Variants in SMARCAD1 observed in about 807,000 individuals in gnomAD.
SMARCAD1 encodes SWI/SNF-related matrix-associated actin-dependent regulator of chromatin subfamily A containing DEAD/H box 1.
In SMARCAD1, 25 loss-of-function variants were observed where a neutral mutation model predicts 127.1. The ratio of observed to expected loss-of-function variants is 0.20; its 90% CI spans 0.14 to 0.27. The LOEUF (loss-of-function observed/expected upper bound fraction) is 0.27. Among genes scored for constraint, SMARCAD1 ranks in the 10% least tolerant of loss-of-function variants. The pLI is 1.00. For synonymous variants in SMARCAD1, 400 were observed against 396.9 expected (o/e 1.01, Z -0.09); for missense variants, 807 against 1,206.0 (o/e 0.67, Z 4.90).
intron 6 of SMARCAD1, among the ~76,000 whole-genome samples, chr4:94,244,544 CTG>C (rs1400059680): frequency 9.2e-5 from 14 of 152,158 alleles, no homozygotes; most frequent in Admixed American, 1.3e-4. Context: ...GGTAACATAA[CTG>C]TGATATTTGG....
chr4:94,208,129 G>C (rs747087651), intron 1 of SMARCAD1, 59 bp downstream of exon 1: 4 of 593,720 alleles, frequency 6.7e-6, no homozygotes, highest in Non-Finnish European at 1.3e-5. Flanking sequence ...GCGGGCGGGG[G>C]AGGCGGACGA....
At chr4:94,277,891 G>A (rs1227593190) in intron 16 of SMARCAD1, among the ~76,000 whole-genome samples, 1 of 152,102 alleles carries the variant, frequency 6.6e-6, no homozygotes, top group Non-Finnish European at 1.5e-5. Flanking sequence ...TCTATCTTCA[G>A]TTCATAATAT....
At chr4:94,242,657 A>G (rs937700190) in intron 6 of SMARCAD1, among the ~76,000 whole-genome samples, 1 of 151,688 alleles carries the variant, frequency 6.6e-6, no homozygotes, top group Non-Finnish European at 1.5e-5. Context: ...TAATCCCAGC[A>G]TCTTGGGAGG....
intron 10 of SMARCAD1, among the ~76,000 whole-genome samples, chr4:94,269,835 AT>A (rs1472021472): frequency 2.0e-5 from 3 of 151,442 alleles, no homozygotes; most frequent in East Asian, 2.0e-4. Context: ...TGCCTGGCTA[AT>A]TTTTTTTGTA....
chr4:94,212,443 A>G (rs1742426681), intron 2 of SMARCAD1, among the ~76,000 whole-genome samples: 1 of 151,830 alleles, frequency 6.6e-6, no homozygotes, highest in Non-Finnish European at 1.5e-5. Context: ...TGAAAGTGCT[A>G]GGATTATAGG....
intron 21 of SMARCAD1, among the ~76,000 whole-genome samples, chr4:94,282,095 T>TTTTTTTTG (rs1343165240): frequency 1.0e-4 from 1 of 9,956 alleles, no homozygotes; most frequent in Non-Finnish European, 4.0e-4. Context: ...CAAATACGTT[T>TTTTTTTTG]TTTTGTTTTT....
chr4:94,237,707 C>G (rs902169683), intron 5 of SMARCAD1, among the ~76,000 whole-genome samples: 1 of 151,996 alleles, frequency 6.6e-6, no homozygotes, highest in Non-Finnish European at 1.5e-5. Flanking sequence ...TTTAAAAAAT[C>G]ATATAATAAT....
intron 23 of SMARCAD1, among the ~76,000 whole-genome samples, chr4:94,286,003 C>T (rs899060054): frequency 1.3e-5 from 2 of 152,174 alleles, no homozygotes; most frequent in African/African-American, 4.8e-5. Context: ...AATTCTTTTT[C>T]AGCAATACTA....
At chr4:94,228,011 G>A (rs1009965061) in intron 3 of SMARCAD1, among the ~76,000 whole-genome samples, 3 of 152,166 alleles carry the variant, frequency 2.0e-5, no homozygotes, top group Non-Finnish European at 2.9e-5. Context: ...AGCAGCTATT[G>A]AGGTAAAAGG....
rs1283977692 is a variant in SMARCAD1, at chr4:94,252,610, A to G, written c.890-6A>G. The G allele has an allele frequency of 6.5e-7, 1 of 1,527,902 alleles. No homozygotes were observed. The highest frequency in any genetic ancestry group is 8.8e-7 in the Non-Finnish European group (1 of 1,136,250). The allele number at this position is 1,527,902 out of a possible 1,614,324, so 94.6% of individuals were successfully genotyped here. A position where few individuals can be genotyped will look rare whatever the true frequency, so the allele number is the denominator to read the frequency against. On this transcript the variant is annotated splice_polypyrimidine_tract_variant and splice_region_variant and intron_variant, in intron 8 of 23. Coordinates refer to ENST00000354268, the MANE Select transcript of SMARCAD1 (RefSeq NM_020159.5). Reference sequence around the variant, plus strand: ...TTTAGTTACTGTTTTTGTCTTTTATATACAGATATGCAATATGTATCACAA... The same window carrying G: ...TTTAGTTACTGTTTTTGTCTTTTATGTACAGATATGCAATATGTATCACAA...
chr4:94,252,182 T>C (rs2061964672), intron 8 of SMARCAD1, among the ~76,000 whole-genome samples: 1 of 152,218 alleles, frequency 6.6e-6, no homozygotes, highest in Non-Finnish European at 1.5e-5. Flanking sequence ...ACGATGCAAC[T>C]TAGAATATTG....
intron 5 of SMARCAD1, among the ~76,000 whole-genome samples, chr4:94,239,661 C>T (rs1050649565): frequency 2.6e-5 from 4 of 151,778 alleles, no homozygotes; most frequent in Admixed American, 2.6e-4. Flanking sequence ...CGACCTCTGC[C>T]TCCCAGGCTC....
chr4:94,280,606 T>G lies in SMARCAD1; in HGVS notation c.2433T>G (p.Cys811Trp). ...TTTGTTTTAAGGAACCTACACATTGTGAGGCTAACCCTGACCTGATCTTTG... is the reference window on the plus strand; with the variant it reads ...TTTGTTTTAAGGAACCTACACATTGGGAGGCTAACCCTGACCTGATCTTTG... ...SQLMLKEPTH[C>W]EANPDLIFED... Residue 811 changes from cysteine to tryptophan, a missense_variant, in exon 20 of 24, where the codon TGT becomes TGG. Coordinates refer to ENST00000354268, the MANE Select transcript of SMARCAD1 (RefSeq NM_020159.5). 6.2e-7 allele frequency: 1 copy of G among 1,613,628 alleles called. No homozygotes were observed. The highest frequency in any genetic ancestry group is 1.7e-5 in the Admixed American group (1 of 60,020).
Position 94,252,847 on chromosome 4 carries a change from ATAG to A in SMARCAD1, c.1126_1128del (p.Ser376del), listed in dbSNP as rs1560541330. 1.9e-6 allele frequency: 3 copies of A among 1,613,990 alleles called. No homozygotes were observed. The highest frequency in any genetic ancestry group is 2.5e-6 in the Non-Finnish European group (3 of 1,179,990). The stretch of plus-strand genomic sequence containing the variant: ...GTCGGTAGTTCACTAGATGAGGACT[ATAG>A]TAGTGGTGAAGAAGTGATGGAGGAT... On this transcript the variant is annotated inframe_deletion, in exon 9 of 24. Coordinates refer to ENST00000354268, the MANE Select transcript of SMARCAD1 (RefSeq NM_020159.5).
intron 6 of SMARCAD1, among the ~76,000 whole-genome samples, chr4:94,243,966 C>T (rs995707586): frequency 2.0e-5 from 3 of 152,110 alleles, no homozygotes; most frequent in Admixed American, 6.5e-5. Flanking sequence ...AAGATAAAAA[C>T]ATAACGATAC....
At position 94,249,680 on chromosome 4, in the gene SMARCAD1, A is replaced by G; in HGVS notation, c.732A>G (p.Glu244=). ...GAGAGGAATCAAATGAGTCTGCAGAATCTAGCAGTAATTGGGAAAAGCAGG... is the reference window on the plus strand; with the variant it reads ...GAGAGGAATCAAATGAGTCTGCAGAGTCTAGCAGTAATTGGGAAAAGCAGG... The part of the protein sequence containing the change: ...DHGEESNESA[E]SSSNWEKQES... The change falls in exon 7 of 24, where the codon GAA becomes GAG. Residue 244 remains glutamate, a synonymous_variant. Coordinates refer to ENST00000354268, the MANE Select transcript of SMARCAD1 (RefSeq NM_020159.5). The G allele has an allele frequency of 1.9e-6, 3 of 1,607,608 alleles. No homozygotes were observed. Among genetic ancestry groups the G allele is most frequent in the Non-Finnish European group, 2.6e-6 (3 of 1,174,458 alleles).
At chr4:94,211,668 T>C (rs1742285135) in intron 2 of SMARCAD1, among the ~76,000 whole-genome samples, 1 of 152,212 alleles carries the variant, frequency 6.6e-6, no homozygotes, top group African/African-American at 2.4e-5. Context: ...TCATTTCCTA[T>C]GACCCTCCTT....
Position 94,289,561 on chromosome 4 carries a change from T to C in SMARCAD1, c.*27T>C. ...ATAAGAACTGTGAACTCTCAATTGATGAGGAAATATCAACTTGGTGCACTC... is the reference window on the plus strand; with the variant it reads ...ATAAGAACTGTGAACTCTCAATTGACGAGGAAATATCAACTTGGTGCACTC... On this transcript the variant is annotated 3_prime_UTR_variant, in exon 24 of 24. Coordinates refer to ENST00000354268, the MANE Select transcript of SMARCAD1 (RefSeq NM_020159.5). 8 of 1,570,880 alleles carry C rather than the reference T, an allele frequency of 5.1e-6. No homozygotes were observed. Among genetic ancestry groups the C allele is most frequent in the Non-Finnish European group, 7.0e-6 (8 of 1,140,702 alleles).
In SMARCAD1 at chr4:94,290,992, G is replaced by A; in HGVS notation, c.*1458G>A. On this transcript the variant is annotated 3_prime_UTR_variant, in exon 24 of 24. Coordinates refer to ENST00000354268, the MANE Select transcript of SMARCAD1 (RefSeq NM_020159.5). The stretch of plus-strand genomic sequence containing the variant: ...CCCAGTCTTGATGGTATATTGAACA[G>A]ACTGAATATATTTTACCATTACAGG... 2.2e-6 allele frequency: 1 copy of A among 446,932 alleles called. No individual in the cohort carries two copies. The highest frequency in any genetic ancestry group is 4.5e-6 in the Non-Finnish European group (1 of 224,206). 27.7% of individuals were successfully genotyped at this position (446,932 alleles called of 1,614,324 possible).
Sources: gnomAD v4.1 joint callset for allele counts (sites outside exome capture counted in the v4.1 genomes callset) on GRCh38, gnomAD v4.1.1 for gene constraint, MANE v1.5 for transcripts, NCBI Gene and HGNC (gene_info 2026-07-23, HGNC 2026-07-21) for gene names.